Variants in GPI observed in about 807,000 individuals in gnomAD.
GPI encodes D-hexose-6-phosphate anomerase.
Under a neutral mutation model 75.8 loss-of-function variants are expected in GPI, and 56 were observed. The ratio of observed to expected loss-of-function variants is 0.74; its 90% CI spans 0.60 to 0.92. The LOEUF (loss-of-function observed/expected upper bound fraction) is 0.92, where lower values mean the gene tolerates loss of function less well. Among genes scored for constraint, GPI ranks in the 40% least tolerant of loss-of-function variants. The probability of loss-of-function intolerance (pLI) is 0.00; values close to 1 mark genes in which losing one functional copy is unlikely to be tolerated. For missense variants in GPI, 638 were observed against 741.0 expected, an observed-to-expected ratio of 0.86 and a Z score of 1.61; for synonymous variants, 288 against 285.4, an observed-to-expected ratio of 1.01 and a Z score of -0.09.
At chr19:34,364,922 T>G (rs1285615041), upstream of GPI, 2 of 1,499,722 alleles carry the variant, frequency 1.3e-6, no homozygotes, top group Admixed American at 2.0e-5. Context: ...GGTAGCTCTC[T>G]GCAGCCTCCA....
chr19:34,390,353 C>A (rs2074802824), intron 9 of GPI, among the ~76,000 whole-genome samples: 2 of 152,076 alleles, frequency 1.3e-5, no homozygotes, highest in Admixed American at 6.6e-5. Context: ...CTGGGTCTTT[C>A]ATTGTCCAAG....
chr19:34,362,240 G>A (rs1568320333), upstream of GPI, among the ~76,000 whole-genome samples: 1 of 152,076 alleles, frequency 6.6e-6, no homozygotes, highest in Admixed American at 6.6e-5. Context: ...GGAAGCAGAG[G>A]TTGCAGTGAG....
chr19:34,365,416 C>T, intron 1 of GPI, 28 bp downstream of exon 1: 2 of 1,542,166 alleles, frequency 1.3e-6, no homozygotes. Context: ...GCGGGGGCTG[C>T]CACGCGCGGC....
chr19:34,382,928 C>G (rs1489971807), intron 9 of GPI, among the ~76,000 whole-genome samples: 1 of 152,090 alleles, frequency 6.6e-6, no homozygotes, highest in East Asian at 1.9e-4. Flanking sequence ...GTGTATCCTG[C>G]TGAATCAAGA....
Position 34,379,525 on chromosome 19 carries a change from C to A in GPI, c.713C>A (p.Ala238Glu). The change falls in exon 8 of 18, where the codon GCA (alanine) becomes GAA (glutamate). Residue 238 changes from alanine to glutamate, a missense_variant. Transcript: ENST00000356487. ...TGGCTCTGTCTCTTGTAGCCTTCTGCAGTGGCGAAGCACTTTGTTGCCCTG... is the reference window on the plus strand; with the variant it reads ...TGGCTCTGTCTCTTGTAGCCTTCTGAAGTGGCGAAGCACTTTGTTGCCCTG... ...WFLQAAKDPS[A>E]VAKHFVALST... 1 of 1,614,004 alleles carries A rather than the reference C, an allele frequency of 6.2e-7. No homozygotes were observed. Among genetic ancestry groups the A allele is most frequent in the Non-Finnish European group, 8.5e-7 (1 of 1,179,850 alleles).
intron 4 of GPI, among the ~76,000 whole-genome samples, chr19:34,372,715 C>T (rs758655864): frequency 2.6e-5 from 4 of 152,146 alleles, no homozygotes; most frequent in Non-Finnish European, 4.4e-5. Flanking sequence ...AAGGGTGAAT[C>T]GGATCACTGC....
intron 4 of GPI, among the ~76,000 whole-genome samples, chr19:34,369,563 C>G (rs1400865316): frequency 3.3e-5 from 5 of 151,984 alleles, no homozygotes; most frequent in Non-Finnish European, 7.4e-5. Flanking sequence ...AAAAATTAGC[C>G]AGTTTTGGTG....
In GPI at chr19:34,393,336, C is replaced by G; in HGVS notation, c.865+28C>G. 3.2e-6 allele frequency: 5 copies of G among 1,577,014 alleles called. No individual in the cohort carries two copies. Among genetic ancestry groups the G allele is most frequent in the Non-Finnish European group, 4.4e-6 (5 of 1,146,054 alleles). On this transcript the variant is annotated intron_variant, in intron 10 of 17. Transcript: ENST00000356487. The surrounding 1 kb of genome is among the most constrained non-coding windows in gnomAD (Gnocchi z 4.4). ...GAGTGTGTTTCTGTGTCTTGCAGCC[C>G]CTGTGGGAGACAGTGTTGCAGTCTA...
chr19:34,390,082 GAGGCACAGGTCTA>G (rs2074799133), intron 9 of GPI, among the ~76,000 whole-genome samples: 1 of 152,096 alleles, frequency 6.6e-6, no homozygotes, highest in Non-Finnish European at 1.5e-5. Flanking sequence ...GAGGTGGGGT[GAGGCACAGGTCTA>G]AGGTTCTGGA....
intron 8 of GPI, 50 bp downstream of exon 8, chr19:34,379,612 T>C (rs1449309637): frequency 2.1e-6 from 3 of 1,441,028 alleles, no homozygotes; most frequent in Admixed American, 1.7e-5. Context: ...GTGCCCAGCA[T>C]GTCCAGGTCA....
chr19:34,362,657 T>C (rs183378886), upstream of GPI, among the ~76,000 whole-genome samples: 3 of 152,296 alleles, frequency 2.0e-5, no homozygotes, highest in East Asian at 5.8e-4. Context: ...GTTTACATTC[T>C]AGCTGCAGGT....
intron 12 of GPI, among the ~76,000 whole-genome samples, chr19:34,395,306 G>A (rs1289162802): frequency 6.6e-6 from 1 of 151,792 alleles, no homozygotes; most frequent in African/African-American, 2.4e-5. Context: ...AGGCTGGGGG[G>A]AATTGCTTGA....
At chr19:34,363,476 T>C (rs1400582862), upstream of GPI, 2 of 152,182 alleles carry the variant, frequency 1.3e-5, no homozygotes, top group Non-Finnish European at 2.9e-5. Context: ...GGAATTCTCT[T>C]CTGTGTAGAT....
At position 34,367,003 on chromosome 19, in the gene GPI, G is replaced by A. The variant is rs746259984; in HGVS notation, c.282+152G>A. The A allele has an allele frequency of 5.6e-6, 4 of 716,422 alleles. No homozygotes were observed. In the South Asian group the frequency reaches 5.9e-5, roughly 11 times the overall value. 44.4% of individuals were successfully genotyped at this position (716,422 alleles called of 1,614,324 possible). On this transcript the variant is annotated intron_variant, in intron 3 of 17. Coordinates refer to ENST00000356487, the MANE Select transcript of GPI (RefSeq NM_000175.5). ...GAAGGCCTTTTTCCTCCTGCTTGTAGCAGGGCTTTGGGGTGTGCCTTCCAC... is the reference window on the plus strand; with the variant it reads ...GAAGGCCTTTTTCCTCCTGCTTGTAACAGGGCTTTGGGGTGTGCCTTCCAC...
At chr19:34,382,053 A>G (rs1422775128) in intron 9 of GPI, among the ~76,000 whole-genome samples, 6 of 152,116 alleles carry the variant, frequency 3.9e-5, no homozygotes, top group Non-Finnish European at 7.4e-5. Flanking sequence ...CAGGTGGTCC[A>G]TGGGACCACC....
intron 4 of GPI, chr19:34,368,917 G>A: frequency 1.6e-6 from 1 of 628,976 alleles, no homozygotes; most frequent in Non-Finnish European, 2.8e-6. Context: ...TCTGCTGCTG[G>A]CAGAAGTGGG....
At chr19:34,363,535 G>A (rs949332091), upstream of GPI, among the ~76,000 whole-genome samples, 5 of 151,744 alleles carry the variant, frequency 3.3e-5, no homozygotes, top group East Asian at 2.0e-4. Flanking sequence ...CAGAACCCCC[G>A]TAGAGGCCAG....
intron 8 of GPI, chr19:34,379,986 TTTTG>T (rs1334498338): frequency 2.9e-4 from 42 of 144,950 alleles, no homozygotes; most frequent in South Asian, 1.4e-3. Flanking sequence ...GTGTGTGTGG[TTTTG>T]TTTTTTTTTT....
chr19:34,373,940 A>C (rs2074493253), intron 4 of GPI, among the ~76,000 whole-genome samples: 1 of 152,088 alleles, frequency 6.6e-6, no homozygotes, highest in Admixed American at 6.6e-5. Flanking sequence ...TTTGTGACCT[A>C]ATATCAGGAT....
Sources: gnomAD v4.1 joint callset for allele counts (sites outside exome capture counted in the v4.1 genomes callset) on GRCh38, gnomAD v4.1.1 for gene constraint, Gnocchi (gnomAD v3.1) non-coding constraint, MANE v1.5 for transcripts, NCBI Gene and HGNC (gene_info 2026-07-23, HGNC 2026-07-21) for gene names.